TBP: variants seen among roughly 807,000 people sequenced by gnomAD.
TBP encodes the protein TATA-box binding protein.
In TBP, 12 loss-of-function variants were observed where a neutral mutation model predicts 46.2. The observed-to-expected ratio is 0.26, with a 90% CI of 0.17 to 0.42. TBP has a LOEUF of 0.42. Among genes scored for constraint, TBP ranks in the 10% least tolerant of loss-of-function variants. TBP has a pLI of 1.00. For synonymous variants in TBP, 157 were observed against 148.3 expected (o/e 1.06, Z -0.42); for missense variants, 229 against 403.1 (o/e 0.57, Z 3.70).
chr6:170,554,440 A>T lies in TBP; in HGVS notation c.-172A>T, dbSNP rs997885010. 6.6e-6 allele frequency: 1 copy of T among 152,558 alleles called. No individual in the cohort carries two copies. Among genetic ancestry groups the T allele is most frequent in the Non-Finnish European group, 1.5e-5 (1 of 68,306 alleles). The allele number at this position is 152,558 out of a possible 1,614,324, so 9.5% of individuals were successfully genotyped here. A position where few individuals can be genotyped will look rare whatever the true frequency, so the allele number is the denominator to read the frequency against. ...TGTTTAACTTCGCTTCCGCTGGCCC[A>T]TAGTGATCTTTGCAGTGACCCAGGT... is the stretch of plus-strand genomic sequence containing the variant. On this transcript the variant is annotated 5_prime_UTR_variant, in exon 1 of 8. Transcript: ENST00000392092.
At chr6:170,563,112 A>G (rs1779179222) in intron 3 of TBP, among the ~76,000 whole-genome samples, 2 of 152,210 alleles carry the variant, frequency 1.3e-5, no homozygotes, top group African/African-American at 4.8e-5. Context: ...CCCCACACAC[A>G]ATTTTAAAAA....
intron 3 of TBP, among the ~76,000 whole-genome samples, chr6:170,563,575 A>C (rs1283726077): frequency 6.6e-6 from 1 of 152,252 alleles, no homozygotes; most frequent in South Asian, 2.1e-4. Context: ...GAAATAGATG[A>C]TATGGAAATG....
intron 5 of TBP, chr6:170,567,242 T>C (rs2114999780): frequency 5.9e-6 from 1 of 169,272 alleles, no homozygotes; most frequent in South Asian, 1.9e-4. Context: ...GCAGGCGTGG[T>C]GTCTCACCAA....
In TBP at chr6:170,557,246, A is replaced by G. The variant is rs117681043; in HGVS notation, c.54+163A>G. ...AAGTTCTATTAGGCTTTGAATAGGC[A>G]CAATGGTGTTTATTTGGGAAGTCTG... On this transcript the variant is annotated intron_variant, in intron 2 of 7. Transcript: ENST00000392092. Among the ~76,000 whole-genome samples, 1,027 of 152,344 alleles carry G rather than the reference A, an allele frequency of 6.7e-3. 6 individuals carry two copies. Among genetic ancestry groups the G allele is most frequent in the Middle Eastern group, 0.017 (5 of 294 alleles).
chr6:170,555,379 G>A (rs7771229), intron 1 of TBP, among the ~76,000 whole-genome samples: 89,264 of 152,116 alleles, frequency 0.59, 27,410 homozygotes, highest in East Asian at 0.79. Context: ...CTGCACTTCC[G>A]AAATTCCATA....
rs1275028526 is a variant in TBP, at chr6:170,564,611, A to C, written c.564A>C (p.Arg188=). 1.2e-6 allele frequency: 2 copies of C among 1,610,416 alleles called. No individual in the cohort carries two copies. The highest frequency in any genetic ancestry group is 3.3e-5 in the Admixed American group (2 of 59,850). ...LDLKTIALRA[R]NAEYNPKRFA... ...TAAAGACCATTGCACTTCGTGCCCG[A>C]AACGCCGAATATAATCCCAAGGTTA... The change falls in exon 4 of 8, where the codon CGA becomes CGC. Residue 188 remains arginine (R), a synonymous_variant. Coordinates refer to ENST00000392092, the MANE Select transcript of TBP (RefSeq NM_003194.5).
Position 170,572,172 on chromosome 6 carries a change from A to G in TBP, c.941-14A>G, listed in dbSNP as rs1259548891. The G allele has an allele frequency of 1.2e-6, 2 of 1,608,520 alleles. No individual in the cohort carries two copies. Among genetic ancestry groups the G allele is most frequent in the South Asian group, 1.1e-5 (1 of 90,916 alleles). On this transcript the variant is annotated splice_polypyrimidine_tract_variant and intron_variant, in intron 7 of 7. Transcript: ENST00000392092. Reference sequence around the variant, plus strand: ...ATTTCAGTCTCTCATCTCTACTCCAACTTGTCTTCTTAGGTGCTAAAGTCA... The same window carrying G: ...ATTTCAGTCTCTCATCTCTACTCCAGCTTGTCTTCTTAGGTGCTAAAGTCA...
At chr6:170,555,919 A>G (rs934288662) in intron 1 of TBP, among the ~76,000 whole-genome samples, 3 of 152,174 alleles carry the variant, frequency 2.0e-5, no homozygotes, top group African/African-American at 7.2e-5. Flanking sequence ...GACTTCTGTT[A>G]TTGTTATTAT....
At chr6:170,565,787 TA>T (rs574493509) in intron 4 of TBP, among the ~76,000 whole-genome samples, 1 of 152,122 alleles carries the variant, frequency 6.6e-6, no homozygotes, top group Non-Finnish European at 1.5e-5. Flanking sequence ...CTAAAATTGT[TA>T]AAAGCCAGGC....
chr6:170,566,853 G>A, intron 4 of TBP, 65 bp from the exon 5 acceptor site: 1 of 1,437,940 alleles, frequency 7.0e-7, no homozygotes, highest in Middle Eastern at 1.8e-4. Flanking sequence ...GTCAATGGGT[G>A]GTTCGCCTAA....
intron 4 of TBP, 66 bp from the exon 5 acceptor site, chr6:170,566,852 T>C: frequency 1.4e-6 from 2 of 1,421,370 alleles, no homozygotes; most frequent in South Asian, 2.4e-5. Context: ...TGTCAATGGG[T>C]GGTTCGCCTA....
chr6:170,561,460 A>G (rs1427557469), intron 2 of TBP, among the ~76,000 whole-genome samples: 1 of 152,060 alleles, frequency 6.6e-6, no homozygotes, highest in African/African-American at 2.4e-5. Context: ...TCTGTTTACC[A>G]GTCCTTTCTC....
At chr6:170,568,817 T>TTC in intron 5 of TBP, among the ~76,000 whole-genome samples, 1 of 81,164 alleles carries the variant, frequency 1.2e-5, no homozygotes, top group African/African-American at 5.0e-5. Context: ...TTCCTTTTCT[T>TTC]TTTTTTTTTT....
intron 3 of TBP, among the ~76,000 whole-genome samples, chr6:170,562,647 G>A (rs1218019486): frequency 2.0e-5 from 3 of 152,042 alleles, no homozygotes; most frequent in Non-Finnish European, 4.4e-5. Context: ...TTTTACTATG[G>A]GTGCTGCATA....
chr6:170,566,467 G>A (rs1474918855), intron 4 of TBP, among the ~76,000 whole-genome samples: 3 of 152,186 alleles, frequency 2.0e-5, no homozygotes, highest in African/African-American at 7.2e-5. Flanking sequence ...TGATAGGCTT[G>A]TAATCTGATT....
At chr6:170,561,390 C>T (rs1168384934) in intron 2 of TBP, among the ~76,000 whole-genome samples, 2 of 151,958 alleles carry the variant, frequency 1.3e-5, no homozygotes, top group African/African-American at 4.8e-5. Flanking sequence ...CATCTTTTGC[C>T]CTTTTTTATT....
chr6:170,569,076 G>A (rs1314817573), intron 5 of TBP, among the ~76,000 whole-genome samples: 1 of 152,080 alleles, frequency 6.6e-6, no homozygotes, highest in Admixed American at 6.6e-5. Flanking sequence ...GCCTCCCAAA[G>A]TGCTTGGGAT....
At chr6:170,563,639 A>T (rs1451319997) in intron 3 of TBP, among the ~76,000 whole-genome samples, 1 of 152,206 alleles carries the variant, frequency 6.6e-6, no homozygotes, top group Non-Finnish European at 1.5e-5. Flanking sequence ...TGTATCATAG[A>T]CTGTACAAGA....
chr6:170,565,796 G>C (rs1779232676), intron 4 of TBP, among the ~76,000 whole-genome samples: 1 of 152,180 alleles, frequency 6.6e-6, no homozygotes, highest in African/African-American at 2.4e-5. Context: ...TTAAAAGCCA[G>C]GCATGGTGAC....
Sources: gnomAD v4.1 joint callset for allele counts (sites outside exome capture counted in the v4.1 genomes callset) on GRCh38, gnomAD v4.1.1 for gene constraint, MANE v1.5 for transcripts, NCBI Gene and HGNC (gene_info 2026-07-23, HGNC 2026-07-21) for gene names.